The following ERG variants were observed in gnomAD, a reference collection of about 807,000 sequenced individuals.
ERG encodes ETS transcription factor ERG, also known as transcriptional regulator ERG.
A neutral mutation model predicts 55.3 loss-of-function variants in ERG; 9 were observed. That is an observed-to-expected ratio of 0.16 (90% CI 0.10 to 0.28). The LOEUF (loss-of-function observed/expected upper bound fraction) is 0.28. Among genes scored for constraint, ERG ranks in the 10% least tolerant of loss-of-function variants. The pLI is 1.00. For synonymous variants in ERG, 223 were observed against 237.3 expected (o/e 0.94, Z 0.55); for missense variants, 434 against 631.6 (o/e 0.69, Z 3.35).
At chr21:38,586,493 A>G (rs955106577), upstream of ERG, among the ~76,000 whole-genome samples, 1 of 152,068 alleles carries the variant, frequency 6.6e-6, no homozygotes, top group African/African-American at 2.4e-5. Flanking sequence ...ATCACTAATC[A>G]TCAAGGAAAT....
chr21:38,568,111 T>C (rs1041983533), intron 2 of ERG, among the ~76,000 whole-genome samples: 4 of 137,066 alleles, frequency 2.9e-5, no homozygotes, highest in African/African-American at 7.7e-5. Flanking sequence ...TTCCCCTTCT[T>C]ACTTTTCTCC....
intron 2 of ERG, among the ~76,000 whole-genome samples, chr21:38,428,151 A>T (rs1989922135): frequency 1.3e-5 from 2 of 150,706 alleles, no homozygotes; most frequent in Non-Finnish European, 3.0e-5. Context: ...ACTGCACTGC[A>T]GCCTGGACAA....
At chr21:38,447,725 G>T (rs573835545) in intron 1 of ERG, among the ~76,000 whole-genome samples, 1 of 152,050 alleles carries the variant, frequency 6.6e-6, no homozygotes, top group South Asian at 2.1e-4. Context: ...TCCCATGGTG[G>T]CACTGGCTAG....
chr21:38,460,001 T>C lies in ERG; in HGVS notation c.19-14380A>G, dbSNP rs1022100565. Among the ~76,000 whole-genome samples the C allele has an allele frequency of 6.6e-6, 1 of 152,182 alleles. No individual in the cohort carries two copies. The highest frequency in any genetic ancestry group is 2.4e-5 in the African/African-American group (1 of 41,420). On this transcript the variant is annotated intron_variant, in intron 1 of 9. Coordinates refer to ENST00000288319, the MANE Select transcript of ERG (RefSeq NM_182918.4). This position sits in a 1 kb window ranked among gnomAD's most constrained non-coding sequence, Gnocchi z 5.0. ...AGTATGAAGAAACAGAAGGCAGAAC[T>C]AGAGACTCAGGAAAAGAGAGGTAAA...
At chr21:38,507,328 C>T (rs2059470430) in intron 2 of ERG, among the ~76,000 whole-genome samples, 1 of 152,188 alleles carries the variant, frequency 6.6e-6, no homozygotes, top group Admixed American at 6.5e-5. Flanking sequence ...TCGGTGACCC[C>T]GATGCGTCAT....
Position 38,383,409 on chromosome 21 carries a change from G to T in ERG, c.1434C>A (p.Tyr478Ter). The change falls in exon 10 of 10, where the codon TAC becomes TAA. Residue 478 changes from tyrosine (Y) to a stop codon, truncating the protein, a stop_gained. Transcript: ENST00000288319. LOFTEE classifies it high-confidence loss of function. The surrounding 1 kb of genome is among the most constrained non-coding windows in gnomAD (Gnocchi z 5.7). ...AAAAGCCTCCGCCAGGTCTTTAGTAGTAAGTGCCCAGATGAGAAGGCATAT... is the reference window on the plus strand; with the variant it reads ...AAAAGCCTCCGCCAGGTCTTTAGTATTAAGTGCCCAGATGAGAAGGCATAT... ...TSHMPSHLGT[Y>*]Y is the part of the protein sequence containing the mutation. 6.7e-7 allele frequency: 1 copy of T among 1,500,052 alleles called. No individual in the cohort carries two copies. The highest frequency in any genetic ancestry group is 8.9e-7 in the Non-Finnish European group (1 of 1,123,662). 92.9% of individuals were successfully genotyped at this position (1,500,052 alleles called of 1,614,324 possible).
intron 1 of ERG, among the ~76,000 whole-genome samples, chr21:38,580,112 G>T (rs1239272512): frequency 6.6e-6 from 1 of 150,670 alleles, no homozygotes; most frequent in African/African-American, 2.4e-5. Context: ...GAGCCACCAC[G>T]CCCGGCTAAT....
rs1244328579 is a variant in ERG, at chr21:38,517,339, A to G, written c.-41+58323T>C. Among the ~76,000 whole-genome samples, 6 of 152,252 alleles carry G rather than the reference A, an allele frequency of 3.9e-5. No homozygotes were observed. In the East Asian group the frequency reaches 1.2e-3, roughly 29 times the overall value. On this transcript the variant is annotated intron_variant, in intron 2 of 8. Transcript: ENST00000398897. ...CTCAAAAGAAGACACAGGAATGGCC[A>G]TCAAGCATATGAAAAAAAATACTCA... is the stretch of plus-strand genomic sequence containing the variant.
intron 6 of ERG, among the ~76,000 whole-genome samples, chr21:38,394,369 T>G (rs77671142): frequency 0.02 from 2,968 of 151,794 alleles, 80 homozygotes; most frequent in African/African-American, 0.067. Flanking sequence ...TTTTTTTTTT[T>G]GGAGGTGGAG....
intron 1 of ERG, among the ~76,000 whole-genome samples, chr21:38,584,640 G>A (rs567645713): frequency 6.6e-6 from 1 of 152,258 alleles, no homozygotes; most frequent in African/African-American, 2.4e-5. Context: ...CTGGGCAATG[G>A]GGCATCTTAT....
At chr21:38,528,923 C>T (rs2059651956) in intron 2 of ERG, among the ~76,000 whole-genome samples, 1 of 151,906 alleles carries the variant, frequency 6.6e-6, no homozygotes, top group Non-Finnish European at 1.5e-5. Flanking sequence ...TCTGCATTTC[C>T]AATATAAAAT....
At chr21:38,529,520 T>C (rs554179372) in intron 2 of ERG, among the ~76,000 whole-genome samples, 2 of 152,250 alleles carry the variant, frequency 1.3e-5, no homozygotes, top group South Asian at 2.1e-4. Context: ...AATACTAAGA[T>C]GGGTAATGCT....
At chr21:38,454,101 A>G (rs997066836) in intron 1 of ERG, among the ~76,000 whole-genome samples, 1 of 152,160 alleles carries the variant, frequency 6.6e-6, no homozygotes, top group Non-Finnish European at 1.5e-5. Context: ...TTGTTTCTCT[A>G]ATCACTGTTA....
chr21:38,641,694 T>C (rs576339260), intron 1 of ERG, among the ~76,000 whole-genome samples: 54 of 152,266 alleles, frequency 3.5e-4, no homozygotes, highest in African/African-American at 1.2e-3. Flanking sequence ...TTATTTACCT[T>C]TTAAAAGCCT....
intron 1 of ERG, among the ~76,000 whole-genome samples, chr21:38,639,327 C>T (rs907138220): frequency 4.2e-4 from 63 of 149,642 alleles, no homozygotes; most frequent in African/African-American, 1.5e-3. Flanking sequence ...CTAACAATCA[C>T]GAAGAAAAAA....
intron 1 of ERG, among the ~76,000 whole-genome samples, chr21:38,462,954 C>A (rs1026593576): frequency 6.6e-6 from 1 of 152,152 alleles, no homozygotes; most frequent in Non-Finnish European, 1.5e-5. Flanking sequence ...GCCAAGCTAA[C>A]TGTGCTTTTC....
At chr21:38,633,771 A>G (rs2836579) in intron 1 of ERG, among the ~76,000 whole-genome samples, 1,865 of 152,134 alleles carry the variant, frequency 0.012, 40 homozygotes, top group African/African-American at 0.043. Context: ...ATCTCCTTCA[A>G]TTTCATAAGA....
intron 1 of ERG, chr21:38,471,110 A>G (rs2059135082): frequency 6.6e-6 from 1 of 152,262 alleles, no homozygotes; most frequent in Non-Finnish European, 1.5e-5. Context: ...GTTAATTTGT[A>G]TGAAGACGAA....
At chr21:38,641,382 T>A (rs539341560) in intron 1 of ERG, among the ~76,000 whole-genome samples, 1 of 152,272 alleles carries the variant, frequency 6.6e-6, no homozygotes, top group South Asian at 2.1e-4. Flanking sequence ...TGCCTTGACA[T>A]TGAACTTCCC....
Sources: allele counts gnomAD v4.1 joint callset (sites outside exome capture counted in the v4.1 genomes callset), GRCh38; gene constraint gnomAD v4.1.1; non-coding constraint Gnocchi (gnomAD v3.1); transcripts MANE v1.5; gene names NCBI Gene and HGNC (gene_info 2026-07-23, HGNC 2026-07-21).